ZDHHC17: variants seen among roughly 807,000 people sequenced by gnomAD.
ZDHHC17 encodes the protein zDHHC palmitoyltransferase 17, also known as palmitoyltransferase ZDHHC17.
ZDHHC17 carries 40 observed loss-of-function variants against 90.3 expected under a neutral mutation model. The ratio of observed to expected loss-of-function variants is 0.44; its 90% CI spans 0.34 to 0.58. ZDHHC17 has a LOEUF of 0.58. Among genes scored for constraint, ZDHHC17 ranks in the 20% least tolerant of loss-of-function variants. The pLI is 0.01. For missense variants in ZDHHC17, 614 were observed against 780.8 expected (o/e 0.79, Z 2.55); for synonymous variants, 235 against 252.4 (o/e 0.93, Z 0.65).
chr12:76,822,403 C>G lies in ZDHHC17; in HGVS notation c.772-3C>G. 6.2e-7 allele frequency: 1 copy of G among 1,612,472 alleles called. No individual in the cohort carries two copies. Among genetic ancestry groups the G allele is most frequent in the Non-Finnish European group, 8.5e-7 (1 of 1,178,762 alleles). ...TAGGAATTTCTTCTGTTTATATTATCAGGGCGAATCAGCGCTTGATTTGGC... is the reference window on the plus strand; with the variant it reads ...TAGGAATTTCTTCTGTTTATATTATGAGGGCGAATCAGCGCTTGATTTGGC... On this transcript the variant is annotated splice_polypyrimidine_tract_variant and splice_region_variant and intron_variant, in intron 7 of 16. Transcript: ENST00000426126.
At chr12:76,802,262 A>G (rs1952900664) in intron 2 of ZDHHC17, among the ~76,000 whole-genome samples, 1 of 152,208 alleles carries the variant, frequency 6.6e-6, no homozygotes, top group Non-Finnish European at 1.5e-5. Flanking sequence ...CGCTTTGGAT[A>G]TGTCAGCCTG....
At chr12:76,803,839 G>C (rs147527692) in intron 2 of ZDHHC17, among the ~76,000 whole-genome samples, 7 of 152,246 alleles carry the variant, frequency 4.6e-5, no homozygotes, top group African/African-American at 1.7e-4. Context: ...ATGTGAATTG[G>C]ATTACCTCCA....
intron 1 of ZDHHC17, among the ~76,000 whole-genome samples, chr12:76,777,750 T>C (rs1343604409): frequency 6.6e-6 from 1 of 152,200 alleles, no homozygotes; most frequent in African/African-American, 2.4e-5. Flanking sequence ...TTGGGATCTC[T>C]ATCTTGAGAG....
At chr12:76,839,261 G>A (rs12369880) in intron 10 of ZDHHC17, among the ~76,000 whole-genome samples, 1,686 of 152,336 alleles carry the variant, frequency 0.011, 11 homozygotes, top group Non-Finnish European at 0.017. Flanking sequence ...TGAAATGGGT[G>A]AGAATTCACA....
chr12:76,782,660 G>A (rs564837430), intron 1 of ZDHHC17, among the ~76,000 whole-genome samples: 170 of 152,186 alleles, frequency 1.1e-3, no homozygotes, highest in African/African-American at 3.9e-3. Flanking sequence ...AGAATGTCTC[G>A]TTTGTACCAG....
intron 2 of ZDHHC17, among the ~76,000 whole-genome samples, chr12:76,802,871 A>G (rs1952908238): frequency 6.6e-6 from 1 of 152,246 alleles, no homozygotes; most frequent in Non-Finnish European, 1.5e-5. Flanking sequence ...CAAAAGTGGT[A>G]CATATTCAGT....
intron 10 of ZDHHC17, among the ~76,000 whole-genome samples, chr12:76,833,660 C>G (rs565020080): frequency 1.3e-5 from 2 of 152,100 alleles, no homozygotes; most frequent in South Asian, 2.1e-4. Context: ...GGCATGGTGG[C>G]GGGTGCCTGT....
At chr12:76,831,960 A>G (rs1465100434) in intron 10 of ZDHHC17, among the ~76,000 whole-genome samples, 2 of 152,164 alleles carry the variant, frequency 1.3e-5, no homozygotes, top group Non-Finnish European at 1.5e-5. Context: ...TTGTTTGAAC[A>G]TTTGTGTAGG....
chr12:76,816,903 C>T (rs1160404517), intron 7 of ZDHHC17, among the ~76,000 whole-genome samples: 1 of 151,842 alleles, frequency 6.6e-6, no homozygotes, highest in African/African-American at 2.4e-5. Flanking sequence ...TTGATAAAAT[C>T]ATGTATATTT....
intron 1 of ZDHHC17, among the ~76,000 whole-genome samples, chr12:76,782,777 C>A (rs1592462818): frequency 6.6e-6 from 1 of 151,970 alleles, no homozygotes; most frequent in African/African-American, 2.4e-5. Context: ...GGAAAAAATA[C>A]CTCAGTGTAG....
intron 8 of ZDHHC17, among the ~76,000 whole-genome samples, chr12:76,826,297 A>C (rs1036720270): frequency 1.3e-5 from 2 of 152,182 alleles, no homozygotes; most frequent in Admixed American, 6.5e-5. Context: ...ACAAGTATGG[A>C]CTTTAACAAC....
chr12:76,779,436 G>A (rs887399513), intron 1 of ZDHHC17, among the ~76,000 whole-genome samples: 7 of 152,142 alleles, frequency 4.6e-5, no homozygotes, highest in Admixed American at 1.3e-4. Flanking sequence ...ATGGTGATAG[G>A]CAAGAAAGTG....
At chr12:76,802,634 C>T (rs578098708) in intron 2 of ZDHHC17, among the ~76,000 whole-genome samples, 1 of 152,276 alleles carries the variant, frequency 6.6e-6, no homozygotes, top group Non-Finnish European at 1.5e-5. Context: ...TTTCTTTCTG[C>T]TCCTCACACT....
rs1592479906 is a variant in ZDHHC17, at chr12:76,809,484, A to G, written c.399-229A>G. Among the ~76,000 whole-genome samples, 3 of 152,150 alleles carry G rather than the reference A, an allele frequency of 2.0e-5. No individual in the cohort carries two copies. The East Asian group carries it at 5.8e-4, about 29-fold the overall frequency. ...ATAGAATATAGTAATTATTTACTAT[A>G]TATTTAAATAAGTTATGAGTACTTC... On this transcript the variant is annotated intron_variant, in intron 4 of 16. Transcript: ENST00000426126.
intron 8 of ZDHHC17, among the ~76,000 whole-genome samples, chr12:76,826,035 C>T (rs528503439): frequency 2.0e-5 from 3 of 152,104 alleles, no homozygotes; most frequent in South Asian, 4.2e-4. Flanking sequence ...CCCAGGCTGC[C>T]CTACAACTCT....
At chr12:76,805,475 G>T (rs1565781516) in intron 3 of ZDHHC17, 36 bp downstream of exon 3, 1 of 553,044 alleles carries the variant, frequency 1.8e-6, no homozygotes, top group Non-Finnish European at 2.4e-6. Context: ...ATTAGAACTT[G>T]ACTTTTTATG....
intron 8 of ZDHHC17, among the ~76,000 whole-genome samples, chr12:76,822,905 G>C (rs1295348208): frequency 6.6e-6 from 1 of 151,908 alleles, no homozygotes; most frequent in Non-Finnish European, 1.5e-5. Flanking sequence ...GGATTCTTAG[G>C]AACACTTACT....
chr12:76,835,133 C>T (rs934383027), intron 10 of ZDHHC17, among the ~76,000 whole-genome samples: 1 of 151,828 alleles, frequency 6.6e-6, no homozygotes, highest in Non-Finnish European at 1.5e-5. Context: ...TCACTGCCAC[C>T]TCCACCTCCT....
intron 1 of ZDHHC17, among the ~76,000 whole-genome samples, chr12:76,766,561 T>C (rs1952433912): frequency 6.6e-6 from 1 of 152,248 alleles, no homozygotes; most frequent in African/African-American, 2.4e-5. Context: ...AGAAACCCAT[T>C]CTCTGTCTTG....
Sources: allele counts gnomAD v4.1 joint callset (sites outside exome capture counted in the v4.1 genomes callset), GRCh38; gene constraint gnomAD v4.1.1; transcripts MANE v1.5; gene names NCBI Gene and HGNC (gene_info 2026-07-23, HGNC 2026-07-21).